The following CELF4 variants were observed in gnomAD, a reference collection of about 807,000 sequenced individuals.
CELF4 encodes the protein CUGBP Elav-like family member 4, also known as CUG-BP- and ETR-3-like factor 4.
Under a neutral mutation model 59.9 loss-of-function variants are expected in CELF4, and 18 were observed. The ratio of observed to expected loss-of-function variants is 0.30; its 90% CI spans 0.21 to 0.45. The LOEUF is 0.45. CELF4 is among the 20% of genes least tolerant of loss of function. The probability of loss-of-function intolerance (pLI) is 1.00; values close to 1 mark genes in which losing one functional copy is unlikely to be tolerated. For synonymous variants in CELF4, 261 were observed against 267.1 expected (o/e 0.98, Z 0.22); for missense variants, 456 against 689.0 (o/e 0.66, Z 3.79).
At chr18:37,325,340 C>T (rs1446417072) in intron 2 of CELF4, among the ~76,000 whole-genome samples, 1 of 152,222 alleles carries the variant, frequency 6.6e-6, no homozygotes, top group Admixed American at 6.5e-5. Flanking sequence ...CTAGTCGGGC[C>T]TGAGAGCAGC....
intron 2 of CELF4, among the ~76,000 whole-genome samples, chr18:37,342,337 T>A (rs1363918466): frequency 6.6e-6 from 1 of 151,732 alleles, no homozygotes; most frequent in Non-Finnish European, 1.5e-5. Context: ...TAGGGCCCCA[T>A]AAAGATAGCA....
chr18:37,439,192 G>A (rs2099703585), intron 2 of CELF4, among the ~76,000 whole-genome samples: 1 of 152,212 alleles, frequency 6.6e-6, no homozygotes, highest in Non-Finnish European at 1.5e-5. Context: ...CCTGGCTGCA[G>A]TTAGTACTGG....
intron 1 of CELF4, among the ~76,000 whole-genome samples, chr18:37,559,460 C>A (rs1208608680): frequency 6.6e-6 from 1 of 152,194 alleles, no homozygotes; most frequent in African/African-American, 2.4e-5. Flanking sequence ...GTGGTTTCAG[C>A]CACTGTAAAC....
intron 2 of CELF4, among the ~76,000 whole-genome samples, chr18:37,396,901 C>T (rs2099252024): frequency 6.6e-6 from 1 of 152,198 alleles, no homozygotes; most frequent in South Asian, 2.1e-4. Flanking sequence ...GGCAAACTCA[C>T]CCTGCTCATA....
intron 3 of CELF4, among the ~76,000 whole-genome samples, chr18:37,309,145 A>T (rs991846885): frequency 2.0e-5 from 3 of 152,186 alleles, no homozygotes; most frequent in Non-Finnish European, 4.4e-5. Context: ...ACCCATCCTC[A>T]TCCTTAATGG....
intron 2 of CELF4, among the ~76,000 whole-genome samples, chr18:37,341,558 C>T (rs1325547356): frequency 6.6e-6 from 1 of 152,172 alleles, no homozygotes; most frequent in Non-Finnish European, 1.5e-5. Context: ...GGGGTCAGGA[C>T]GTTGCAGACA....
At chr18:37,478,727 T>A (rs1379055056) in intron 2 of CELF4, among the ~76,000 whole-genome samples, 1 of 152,196 alleles carries the variant, frequency 6.6e-6, no homozygotes, top group Non-Finnish European at 1.5e-5. Context: ...GAGGCAAGTT[T>A]CGAAGGCATC....
intron 1 of CELF4, among the ~76,000 whole-genome samples, chr18:37,542,427 A>C (rs958137932): frequency 6.6e-6 from 1 of 151,904 alleles, no homozygotes; most frequent in African/African-American, 2.4e-5. Flanking sequence ...GAAGACCTCT[A>C]CTCCCTGGAT....
At chr18:37,513,974 G>A (rs2154604401) in intron 1 of CELF4, among the ~76,000 whole-genome samples, 1 of 128,446 alleles carries the variant, frequency 7.8e-6, no homozygotes, top group South Asian at 2.5e-4. Context: ...GTGTGTGTGT[G>A]TGTGTGTGTA....
intron 2 of CELF4, among the ~76,000 whole-genome samples, chr18:37,347,171 G>A (rs2098288510): frequency 1.3e-5 from 2 of 152,204 alleles, no homozygotes; most frequent in East Asian, 3.9e-4. Context: ...GACCCTGAGG[G>A]TGGGAAGTCT....
At chr18:37,518,853 G>A (rs1456146845) in intron 1 of CELF4, among the ~76,000 whole-genome samples, 2 of 152,298 alleles carry the variant, frequency 1.3e-5, no homozygotes, top group Non-Finnish European at 2.9e-5. Context: ...GAATCTGATG[G>A]ACATTAACAT....
chr18:37,270,678 G>C, intron 8 of CELF4, 90 bp downstream of exon 8: 2 of 1,476,648 alleles, frequency 1.4e-6, no homozygotes, highest in Non-Finnish European at 1.9e-6. Context: ...CAGAGGGCAG[G>C]AGCCACATCT....
intron 1 of CELF4, among the ~76,000 whole-genome samples, chr18:37,539,476 C>A (rs560178727): frequency 4.8e-4 from 69 of 143,572 alleles, no homozygotes; most frequent in Non-Finnish European, 8.2e-4. Context: ...CACACAAACA[C>A]ACACACACAC....
At chr18:37,454,096 C>T (rs532873610) in intron 2 of CELF4, among the ~76,000 whole-genome samples, 4 of 152,292 alleles carry the variant, frequency 2.6e-5, no homozygotes, top group Admixed American at 6.5e-5. Flanking sequence ...TGCCTCCAGA[C>T]AGACCTATCA....
At chr18:37,479,286 C>T (rs1425022393) in intron 2 of CELF4, among the ~76,000 whole-genome samples, 1 of 152,190 alleles carries the variant, frequency 6.6e-6, no homozygotes, top group Non-Finnish European at 1.5e-5. Flanking sequence ...TGAATGAGAA[C>T]CAGCAAGTAA....
intron 3 of CELF4, among the ~76,000 whole-genome samples, 198 bp from the exon 4 acceptor site, chr18:37,275,441 G>A (rs2092986429): frequency 6.6e-6 from 1 of 151,858 alleles, no homozygotes; most frequent in Non-Finnish European, 1.5e-5. Context: ...AGGGAGAGAA[G>A]TAGGTGGGGT....
At chr18:37,267,622 A>G (rs2078307916) in intron 8 of CELF4, among the ~76,000 whole-genome samples, 1 of 152,216 alleles carries the variant, frequency 6.6e-6, no homozygotes, top group African/African-American at 2.4e-5. Context: ...TCCGCCTGTC[A>G]ACTCAGGCCA....
intron 2 of CELF4, among the ~76,000 whole-genome samples, chr18:37,367,220 AG>A (rs2098796387): frequency 6.6e-6 from 1 of 151,868 alleles, no homozygotes; most frequent in Non-Finnish European, 1.5e-5. Context: ...GGCTACCTGG[AG>A]GAGGTGTGAC....
chr18:37,536,731 C>G (rs2099973813), intron 1 of CELF4, among the ~76,000 whole-genome samples: 1 of 152,138 alleles, frequency 6.6e-6, no homozygotes, highest in Non-Finnish European at 1.5e-5. Flanking sequence ...GCACTTGCTC[C>G]CTCCCACACT....
Sources: gnomAD v4.1 joint callset for allele counts (sites outside exome capture counted in the v4.1 genomes callset) on GRCh38, gnomAD v4.1.1 for gene constraint, MANE v1.5 for transcripts, NCBI Gene and HGNC (gene_info 2026-07-23, HGNC 2026-07-21) for gene names.